CCNJL: variants seen among roughly 807,000 people sequenced by gnomAD.
The protein encoded by CCNJL is cyclin-J-like protein.
CCNJL carries 33 observed loss-of-function variants against 33.4 expected under a neutral mutation model. That is an observed-to-expected ratio of 0.99 (90% confidence interval 0.75 to 1.32). The LOEUF (loss-of-function observed/expected upper bound fraction) is 1.32. Ranked by LOEUF, CCNJL falls within the 40% of genes most tolerant of loss-of-function variation. The pLI is 0.00. For synonymous variants in CCNJL, 227 were observed against 220.9 expected, an observed-to-expected ratio of 1.03 and a Z score of -0.24; for missense variants, 512 against 499.7, an observed-to-expected ratio of 1.02 and a Z score of -0.23.
intron 4 of CCNJL, among the ~76,000 whole-genome samples, chr5:160,256,849 T>C (rs367601970): frequency 0.016 from 2,296 of 147,878 alleles, 50 homozygotes; most frequent in African/African-American, 0.054. Context: ...ACCCGGGAGG[T>C]GGAGGTTGCA....
chr5:160,258,394 A>G (rs1202040162), intron 4 of CCNJL: 4 of 813,806 alleles, frequency 4.9e-6, no homozygotes, highest in Admixed American at 3.5e-5. Flanking sequence ...GAAAGAAGCC[A>G]TAAGAAGGCT....
chr5:160,271,370 A>T (rs1341949118), intron 3 of CCNJL, among the ~76,000 whole-genome samples: 1 of 152,150 alleles, frequency 6.6e-6, no homozygotes, highest in Non-Finnish European at 1.5e-5. Flanking sequence ...AATAAAATTA[A>T]AATAAAAAAA....
chr5:160,253,508 A>G lies in CCNJL; in HGVS notation c.1034T>C (p.Val345Ala), dbSNP rs1246029264. 1 of 1,614,148 alleles carries G rather than the reference A, an allele frequency of 6.2e-7. No homozygotes were observed. The highest frequency in any genetic ancestry group is 1.1e-5 in the South Asian group (1 of 91,080). ...QPLQPLDMCP[V>A]PVPASLSMHM... ...CATGCTAAGGGATGCAGGGACGGGC[A>G]CGGGACACATATCCAAGGGCTGCAG... Residue 345 changes from valine (V) to alanine (A), a missense_variant, in exon 6 of 6, where the codon GTG becomes GCG. Transcript: ENST00000257536.
intron 3 of CCNJL, among the ~76,000 whole-genome samples, chr5:160,267,800 G>A (rs372583347): frequency 6.6e-6 from 1 of 152,216 alleles, no homozygotes; most frequent in African/African-American, 2.4e-5. Context: ...GGGCTCAAGT[G>A]ATCTTCCTGC....
chr5:160,321,098 C>T (rs72814323), intron 1 of CCNJL, among the ~76,000 whole-genome samples: 4,847 of 140,292 alleles, frequency 0.035, 149 homozygotes, highest in Middle Eastern at 0.061. Flanking sequence ...TTCCTTCTCT[C>T]TTTCTCTCTC....
At chr5:160,329,796 T>C (rs57122512) in intron 1 of CCNJL, among the ~76,000 whole-genome samples, 4,269 of 152,328 alleles carry the variant, frequency 0.028, 191 homozygotes, top group African/African-American at 0.096. Flanking sequence ...GCAGATGGGA[T>C]CTGTCCAATT....
intron 1 of CCNJL, among the ~76,000 whole-genome samples, chr5:160,325,650 A>G (rs12517589): frequency 6.6e-6 from 1 of 152,162 alleles, no homozygotes; most frequent in East Asian, 1.9e-4. Flanking sequence ...TATTTACTAA[A>G]CAAAAGTATA....
intron 1 of CCNJL, among the ~76,000 whole-genome samples, chr5:160,323,562 A>C (rs568674817): frequency 6.6e-6 from 1 of 152,210 alleles, no homozygotes; most frequent in Non-Finnish European, 1.5e-5. Context: ...AAAATCCTAA[A>C]AACATCCTTT....
upstream of CCNJL, among the ~76,000 whole-genome samples, chr5:160,317,528 T>C (rs368671402): frequency 1.3e-5 from 2 of 152,188 alleles, no homozygotes; most frequent in Non-Finnish European, 2.9e-5. Flanking sequence ...TTGCATGTAC[T>C]ATATCCCGTG....
chr5:160,320,075 C>A (rs1015678275), intron 1 of CCNJL, among the ~76,000 whole-genome samples: 4 of 152,110 alleles, frequency 2.6e-5, no homozygotes, highest in Non-Finnish European at 5.9e-5. Context: ...AAGTGTGTGA[C>A]CCTCTATGGG....
chr5:160,322,760 G>T (rs529847730), intron 1 of CCNJL, among the ~76,000 whole-genome samples: 1 of 148,158 alleles, frequency 6.7e-6, no homozygotes, highest in Non-Finnish European at 1.5e-5. Context: ...ACAAAAATTA[G>T]CTGGGCGTGG....
chr5:160,310,748 G>A (rs1368161995), intron 2 of CCNJL, among the ~76,000 whole-genome samples: 4 of 152,148 alleles, frequency 2.6e-5, no homozygotes, highest in Non-Finnish European at 5.9e-5. Context: ...CTTGTAAGAA[G>A]AGAAAACAGA....
chr5:160,259,860 T>C (rs1761245340), intron 3 of CCNJL, 89 bp from the exon 4 acceptor site: 5 of 1,093,952 alleles, frequency 4.6e-6, no homozygotes, highest in Non-Finnish European at 5.3e-6. Context: ...GCCTGGACAT[T>C]GCTGGCAAAG....
Position 160,249,809 on chromosome 5 carries a change from A to T in CCNJL, c.*3569T>A, listed in dbSNP as rs1212973790. The T allele has an allele frequency of 1.4e-5, 2 of 146,324 alleles. No homozygotes were observed. Among genetic ancestry groups the T allele is most frequent in the East Asian group, 2.0e-4 (1 of 4,982 alleles). The allele number at this position is 146,324 out of a possible 1,614,324, so 9.1% of individuals were successfully genotyped here. A position where few individuals can be genotyped will look rare whatever the true frequency, so the allele number is the denominator to read the frequency against. ...ATAAATAAATAAATAAATAAATAAA[A>T]TAAAAATTTAAAAAATCAAACTAAA... On this transcript the variant is annotated 3_prime_UTR_variant, in exon 6 of 6. Coordinates refer to ENST00000257536, the MANE Select transcript of CCNJL (RefSeq NM_001308173.3).
rs768794808 is a variant in CCNJL, at chr5:160,253,779, T to C, written c.763A>G (p.Lys255Glu). 1.3e-5 allele frequency: 19 copies of C among 1,519,760 alleles called. No individual in the cohort carries two copies. The East Asian group carries it at 4.1e-4, about 33-fold the overall frequency. The allele number at this position is 1,519,760 out of a possible 1,614,324, so 94.1% of individuals were successfully genotyped here. A position where few individuals can be genotyped will look rare whatever the true frequency, so the allele number is the denominator to read the frequency against. ...TGGCTCTTGACGGCTACGGCATCCT[T>C]GAGGACGTTGTCATACACTCTGAAA... ...ILLVVYDNVLKDAVAVKSQAL... is the reference protein window; with the variant it reads ...ILLVVYDNVLEDAVAVKSQAL... The change falls in exon 6 of 6, where the codon AAG becomes GAG. Residue 255 changes from lysine to glutamate, a missense_variant. Transcript: ENST00000257536.
At chr5:160,310,131 GA>G (rs1203014422) in intron 2 of CCNJL, among the ~76,000 whole-genome samples, 1 of 152,182 alleles carries the variant, frequency 6.6e-6, no homozygotes, top group Admixed American at 6.5e-5. Context: ...GCTATGAGCA[GA>G]AATGACAACC....
chr5:160,256,706 A>T (rs1761077561), intron 4 of CCNJL, among the ~76,000 whole-genome samples: 1 of 152,122 alleles, frequency 6.6e-6, no homozygotes, highest in African/African-American at 2.4e-5. Context: ...TCACGAGGTC[A>T]GGAGTTCGAG....
intron 1 of CCNJL, among the ~76,000 whole-genome samples, chr5:160,331,534 G>C (rs928518127): frequency 3.3e-5 from 5 of 152,054 alleles, no homozygotes; most frequent in African/African-American, 4.8e-5. Flanking sequence ...CGAAGCCCTG[G>C]ATCTTATCTC....
At chr5:160,333,982 T>C (rs1159919722) in intron 1 of CCNJL, among the ~76,000 whole-genome samples, 1 of 152,170 alleles carries the variant, frequency 6.6e-6, no homozygotes, top group Non-Finnish European at 1.5e-5. Context: ...TAAAGTCCTA[T>C]CCAACAATCG....
Sources: allele counts gnomAD v4.1 joint callset (sites outside exome capture counted in the v4.1 genomes callset), GRCh38; gene constraint gnomAD v4.1.1; transcripts MANE v1.5; gene names NCBI Gene and HGNC (gene_info 2026-07-23, HGNC 2026-07-21).